Variants in PRTG observed in about 807,000 individuals in gnomAD.
PRTG encodes the protein immunoglobulin superfamily, DCC subclass, member 5.
Under a neutral mutation model 122.5 loss-of-function variants are expected in PRTG, and 67 were observed. The ratio of observed to expected loss-of-function variants is 0.55; its 90% CI spans 0.45 to 0.67. The LOEUF (loss-of-function observed/expected upper bound fraction) is 0.67, where lower values mean the gene tolerates loss of function less well. Among genes scored for constraint, PRTG ranks in the 30% least tolerant of loss-of-function variants. PRTG has a pLI of 0.00. For synonymous variants in PRTG, 554 were observed against 501.1 expected, an observed-to-expected ratio of 1.11 and a Z score of -1.41; for missense variants, 1,435 against 1,415.4, an observed-to-expected ratio of 1.01 and a Z score of -0.22.
intron 15 of PRTG, among the ~76,000 whole-genome samples, chr15:55,632,487 C>G (rs2059233180): frequency 1.3e-5 from 2 of 152,166 alleles, no homozygotes. Context: ...CAATACCTTC[C>G]TCTCTCTTAG....
At position 55,733,270 on chromosome 15, in the gene PRTG, GCTGA is replaced by G. The variant is rs2031298126; in HGVS notation, c.397+7108_397+7111del. 2.0e-5 allele frequency among the ~76,000 whole-genome samples: 3 copies of G among 152,086 alleles called. No homozygotes were observed. The South Asian group carries it at 6.2e-4, about 32-fold the overall frequency. ...ACCTGTAATCCCAGCATTTTGGGAG[GCTGA>G]CTGAGGTGGTCAGATCACCTGAGGT... On this transcript the variant is annotated intron_variant, in intron 2 of 19. Transcript: ENST00000389286.
chr15:55,635,547 G>T (rs2059253322), intron 15 of PRTG, among the ~76,000 whole-genome samples: 1 of 152,188 alleles, frequency 6.6e-6, no homozygotes, highest in African/African-American at 2.4e-5. Flanking sequence ...TTGTAAATTA[G>T]TTTGTTAGGC....
At chr15:55,665,676 G>A (rs1196333156) in intron 11 of PRTG, among the ~76,000 whole-genome samples, 2 of 151,736 alleles carry the variant, frequency 1.3e-5, no homozygotes, top group African/African-American at 2.4e-5. Context: ...CTCCTGAGTA[G>A]CTAGGATTAC....
chr15:55,622,365 G>A (rs898425653), intron 18 of PRTG, among the ~76,000 whole-genome samples: 78 of 147,662 alleles, frequency 5.3e-4, no homozygotes, highest in Non-Finnish European at 9.7e-4. Flanking sequence ...TTACAGGCAT[G>A]CATCATCACA....
chr15:55,674,892 G>A (rs759144891), intron 9 of PRTG, among the ~76,000 whole-genome samples: 2 of 151,992 alleles, frequency 1.3e-5, no homozygotes, highest in Non-Finnish European at 2.9e-5. Context: ...TTACAATATG[G>A]TATGAAGACT....
At chr15:55,717,914 C>T (rs1224348988) in intron 2 of PRTG, among the ~76,000 whole-genome samples, 2 of 152,172 alleles carry the variant, frequency 1.3e-5, no homozygotes, top group South Asian at 2.1e-4. Flanking sequence ...CATGGACGCG[C>T]ATGAAAGTTG....
intron 2 of PRTG, among the ~76,000 whole-genome samples, chr15:55,691,033 C>T (rs934957236): frequency 1.3e-5 from 2 of 152,086 alleles, no homozygotes; most frequent in African/African-American, 4.8e-5. Flanking sequence ...CTAGGCCAGG[C>T]GCAGTGGCTC....
chr15:55,652,304 G>A (rs1214709918), intron 11 of PRTG, among the ~76,000 whole-genome samples: 1 of 152,126 alleles, frequency 6.6e-6, no homozygotes, highest in African/African-American at 2.4e-5. Flanking sequence ...ATGCCTGTAG[G>A]AATGATCAGA....
chr15:55,639,713 T>G lies in PRTG; in HGVS notation c.2253A>C (p.Gln751His). The G allele has an allele frequency of 1.2e-6, 2 of 1,614,124 alleles. No individual in the cohort carries two copies. Among genetic ancestry groups the G allele is most frequent in the Non-Finnish European group, 1.7e-6 (2 of 1,180,018 alleles). ...HWRRPAFTAA[Q>H]IINYTIRCNP... ...TACAGCGGATGGTGTAGTTAATGAT[T>G]TGTGCAGCGGTGAATGCAGGCCTCC... The change falls in exon 13 of 20, where the codon CAA becomes CAC. Residue 751 changes from glutamine (Q) to histidine (H), a missense_variant. Physicochemically the swap from Gln to His is conservative, Grantham distance 24. Coordinates refer to ENST00000389286, the MANE Select transcript of PRTG (RefSeq NM_173814.6).
intron 11 of PRTG, among the ~76,000 whole-genome samples, chr15:55,646,448 A>C (rs910790055): frequency 3.3e-5 from 5 of 151,466 alleles, no homozygotes; most frequent in Admixed American, 6.6e-5. Context: ...TCAGCCTCCC[A>C]AGTAGCTAGG....
rs2059131527 is a variant in PRTG, at chr15:55,613,963, G to T, written c.*6049C>A. The T allele has an allele frequency of 6.6e-6, 1 of 151,990 alleles. No individual in the cohort carries two copies. The allele number at this position is 151,990 out of a possible 1,614,324, so 9.4% of individuals were successfully genotyped here. On this transcript the variant is annotated 3_prime_UTR_variant, in exon 20 of 20. Coordinates refer to ENST00000389286, the MANE Select transcript of PRTG (RefSeq NM_173814.6). ...GAATGTAGCAGCAGTTTGCAGAGAT[G>T]AACCATGTGCTTGGCACACTGTAGA...
intron 2 of PRTG, among the ~76,000 whole-genome samples, chr15:55,724,159 G>A (rs1403059374): frequency 6.6e-6 from 1 of 152,134 alleles, no homozygotes; most frequent in Non-Finnish European, 1.5e-5. Flanking sequence ...CTTTTGTTAG[G>A]TGGAATGCTT....
chr15:55,658,809 T>G (rs1017266504), intron 11 of PRTG, among the ~76,000 whole-genome samples: 5 of 152,210 alleles, frequency 3.3e-5, no homozygotes, highest in Non-Finnish European at 5.9e-5. Context: ...TCTCATCTAT[T>G]TGTTTTTTAT....
chr15:55,664,895 G>A (rs1173506854), intron 11 of PRTG, among the ~76,000 whole-genome samples: 1 of 151,896 alleles, frequency 6.6e-6, no homozygotes, highest in Non-Finnish European at 1.5e-5. Flanking sequence ...CAGAAATTTT[G>A]CATTTCTAAC....
intron 11 of PRTG, among the ~76,000 whole-genome samples, chr15:55,642,772 G>C (rs2059299754): frequency 1.3e-5 from 2 of 152,102 alleles, no homozygotes; most frequent in Non-Finnish European, 2.9e-5. Flanking sequence ...AATAATTCTA[G>C]AGTGAATCCA....
chr15:55,631,263 T>G (rs1595605211), intron 15 of PRTG, among the ~76,000 whole-genome samples: 1 of 152,198 alleles, frequency 6.6e-6, no homozygotes, highest in East Asian at 1.9e-4. Context: ...TTGTGACATG[T>G]TACACTTAGC....
Position 55,640,982 on chromosome 15 carries a change from C to T in PRTG, c.2137+131G>A, listed in dbSNP as rs369834872. 4.7e-6 allele frequency: 3 copies of T among 636,744 alleles called. No homozygotes were observed. The African/African-American group carries it at 5.5e-5, about 12-fold the overall frequency. 39.4% of individuals were successfully genotyped at this position (636,744 alleles called of 1,614,324 possible). On this transcript the variant is annotated intron_variant, in intron 12 of 19. Transcript: ENST00000389286. ...AAACAAACAAAACAAAAAAACTACG[C>T]TATACAGCACAGAGGATAGAAATTA...
chr15:55,729,312 T>C (rs1292630277), intron 2 of PRTG, among the ~76,000 whole-genome samples: 1 of 152,094 alleles, frequency 6.6e-6, no homozygotes, highest in Non-Finnish European at 1.5e-5. Flanking sequence ...ATACCACATA[T>C]AGGCACATCC....
intron 2 of PRTG, among the ~76,000 whole-genome samples, chr15:55,685,915 C>T (rs997774304): frequency 6.6e-6 from 1 of 152,134 alleles, no homozygotes; most frequent in Admixed American, 6.6e-5. Flanking sequence ...TATTCAACCA[C>T]TTACAATGGT....
Sources: allele counts gnomAD v4.1 joint callset (sites outside exome capture counted in the v4.1 genomes callset), GRCh38; gene constraint gnomAD v4.1.1; transcripts MANE v1.5; gene names NCBI Gene and HGNC (gene_info 2026-07-23, HGNC 2026-07-21).